The following DPP6 variants were observed in gnomAD, a reference collection of about 807,000 sequenced individuals.
DPP6 encodes the protein dipeptidyl peptidase like 6.
In DPP6, 69 loss-of-function variants were observed where a neutral mutation model predicts 122.6. The observed-to-expected ratio is 0.56, with a 90% CI of 0.46 to 0.69. The LOEUF (loss-of-function observed/expected upper bound fraction) is 0.69. DPP6 is among the 30% of genes least tolerant of loss of function. DPP6 has a pLI of 0.00. For missense variants in DPP6, 928 were observed against 1,116.9 expected, an observed-to-expected ratio of 0.83 and a Z score of 2.41; for synonymous variants, 418 against 433.1, an observed-to-expected ratio of 0.97 and a Z score of 0.43.
chr7:154,736,429 T>C (rs1485952671), intron 8 of DPP6, among the ~76,000 whole-genome samples: 1 of 152,252 alleles, frequency 6.6e-6, no homozygotes, highest in Non-Finnish European at 1.5e-5. Flanking sequence ...ACAGCGAAAT[T>C]TGAATTTCTT....
At chr7:154,243,129 C>T (rs1801750100) in intron 1 of DPP6, among the ~76,000 whole-genome samples, 1 of 152,162 alleles carries the variant, frequency 6.6e-6, no homozygotes, top group African/African-American at 2.4e-5. Flanking sequence ...GGTAATTTCC[C>T]TGCTGCCAAA....
At chr7:154,195,579 T>C (rs1200769730) in intron 1 of DPP6, among the ~76,000 whole-genome samples, 1 of 152,148 alleles carries the variant, frequency 6.6e-6, no homozygotes, top group Non-Finnish European at 1.5e-5. Flanking sequence ...AGGAAGTCTA[T>C]GGGGAAGTAC....
intron 2 of DPP6, among the ~76,000 whole-genome samples, chr7:154,464,877 C>T (rs995451543): frequency 6.6e-6 from 1 of 152,156 alleles, no homozygotes; most frequent in Non-Finnish European, 1.5e-5. Flanking sequence ...CCAAGAACCC[C>T]AGTGGATGCC....
intron 4 of DPP6, among the ~76,000 whole-genome samples, chr7:154,564,787 A>G (rs1258755641): frequency 3.9e-5 from 6 of 152,236 alleles, no homozygotes; most frequent in Admixed American, 1.3e-4. Context: ...CACTTTTGCC[A>G]TCGTTCTCAG....
chr7:154,857,951 G>A (rs1231175230), intron 17 of DPP6, among the ~76,000 whole-genome samples: 5 of 152,174 alleles, frequency 3.3e-5, no homozygotes, highest in African/African-American at 9.7e-5. Context: ...CATCCCTGCA[G>A]ATGCCTGTTT....
At chr7:154,825,649 G>A (rs766503829) in intron 16 of DPP6, among the ~76,000 whole-genome samples, 6 of 152,172 alleles carry the variant, frequency 3.9e-5, no homozygotes, top group Non-Finnish European at 7.3e-5. Context: ...CAGGACTTGC[G>A]CATGGCTAGT....
chr7:154,751,834 G>C (rs1352312720), intron 8 of DPP6, among the ~76,000 whole-genome samples: 14 of 152,066 alleles, frequency 9.2e-5, no homozygotes, highest in Admixed American at 9.2e-4. Flanking sequence ...GGGCTGCATG[G>C]CCGGTGGGGG....
intron 1 of DPP6, among the ~76,000 whole-genome samples, chr7:153,947,601 A>T (rs567529731): frequency 6.6e-6 from 1 of 152,332 alleles, no homozygotes; most frequent in South Asian, 2.1e-4. Flanking sequence ...GAAGACCTGA[A>T]GGGACAGTGG....
chr7:154,759,850 A>G (rs1563179824), intron 8 of DPP6, among the ~76,000 whole-genome samples: 1 of 152,206 alleles, frequency 6.6e-6, no homozygotes, highest in Non-Finnish European at 1.5e-5. Context: ...TTAAAAGTCT[A>G]TTCCCAGCTG....
At chr7:154,574,692 ATG>A (rs1388528079) in intron 5 of DPP6, among the ~76,000 whole-genome samples, 19 of 60,028 alleles carry the variant, frequency 3.2e-4, no homozygotes, top group African/African-American at 1.2e-3. Flanking sequence ...GTATATGTAT[ATG>A]TGTGTGGTGT....
chr7:154,425,627 T>TGGGG (rs751009552), intron 1 of DPP6, among the ~76,000 whole-genome samples: 6 of 115,488 alleles, frequency 5.2e-5, no homozygotes, highest in Non-Finnish European at 9.6e-5. Context: ...TGTGGGTGTG[T>TGGGG]GTGTGTGTGT....
chr7:153,887,786 A>G, intron 1 of DPP6: 1 of 1,597,150 alleles, frequency 6.3e-7, no homozygotes, highest in Non-Finnish European at 8.6e-7. Flanking sequence ...CACCGTGAGG[A>G]GCGATGCTGG....
Position 154,569,035 on chromosome 7 carries a change from T to G in DPP6, c.627+2119T>G, listed in dbSNP as rs1830945371. On this transcript the variant is annotated intron_variant, in intron 5 of 25. Transcript: ENST00000377770. ...TGAGTAGTGTGTCTTCTCTCTGAAC[T>G]CCTTAGCGCTATACCAAGATACAAT... Among the ~76,000 whole-genome samples the G allele has an allele frequency of 2.0e-5, 3 of 152,256 alleles. No homozygotes were observed. In the South Asian group the frequency reaches 6.2e-4, roughly 32 times the overall value.
chr7:154,310,507 C>A (rs1017214024), intron 1 of DPP6, among the ~76,000 whole-genome samples: 1 of 152,212 alleles, frequency 6.6e-6, no homozygotes, highest in African/African-American at 2.4e-5. Context: ...ACAATGGAAA[C>A]AGTGTTTCTG....
chr7:154,335,374 C>G (rs184078805), intron 1 of DPP6, among the ~76,000 whole-genome samples: 1 of 152,324 alleles, frequency 6.6e-6, no homozygotes, highest in East Asian at 1.9e-4. Context: ...GTACTTATTT[C>G]ACCTAACAAA....
intron 1 of DPP6, among the ~76,000 whole-genome samples, chr7:154,358,377 T>C (rs904938187): frequency 6.6e-6 from 1 of 152,228 alleles, no homozygotes; most frequent in African/African-American, 2.4e-5. Context: ...AAGATATGCT[T>C]TTCTAACCAT....
intron 1 of DPP6, among the ~76,000 whole-genome samples, chr7:154,427,529 A>G (rs1309771698): frequency 5.9e-5 from 9 of 152,264 alleles, no homozygotes; most frequent in Admixed American, 3.9e-4. Flanking sequence ...CTAACTGAAT[A>G]TTGCACATGA....
chr7:153,944,336 G>T (rs1377668870), intron 1 of DPP6, among the ~76,000 whole-genome samples: 1 of 152,174 alleles, frequency 6.6e-6, no homozygotes, highest in African/African-American at 2.4e-5. Context: ...CTCACCCGAG[G>T]CGTGTGCTTG....
chr7:154,387,064 T>C (rs1225378433), intron 1 of DPP6, among the ~76,000 whole-genome samples: 1 of 152,000 alleles, frequency 6.6e-6, no homozygotes, highest in African/African-American at 2.4e-5. Context: ...GAAGAGAACA[T>C]AGGCAAGGGG....
Sources: allele counts gnomAD v4.1 joint callset (sites outside exome capture counted in the v4.1 genomes callset), GRCh38; gene constraint gnomAD v4.1.1; transcripts MANE v1.5; gene names NCBI Gene and HGNC (gene_info 2026-07-23, HGNC 2026-07-21).